MAD1L1: variants seen among roughly 807,000 people sequenced by gnomAD.
The protein encoded by MAD1L1 is mitotic arrest deficient 1 like 1, also known as mitotic spindle assembly checkpoint protein MAD1.
Under a neutral mutation model 96.9 loss-of-function variants are expected in MAD1L1, and 95 were observed. That is an observed-to-expected ratio of 0.98 (90% confidence interval 0.83 to 1.16). The LOEUF (loss-of-function observed/expected upper bound fraction) is 1.16. Among genes scored for constraint, MAD1L1 ranks in the 50% most tolerant of loss-of-function variants. The probability of loss-of-function intolerance (pLI) is 0.00; values close to 1 mark genes in which losing one functional copy is unlikely to be tolerated. For synonymous variants in MAD1L1, 473 were observed against 396.6 expected (o/e 1.19, Z -2.29); for missense variants, 1,007 against 954.4 (o/e 1.06, Z -0.73).
At chr7:2,206,947 G>A (rs1426310227) in intron 10 of MAD1L1, among the ~76,000 whole-genome samples, 1 of 152,098 alleles carries the variant, frequency 6.6e-6, no homozygotes, top group African/African-American at 2.4e-5. Context: ...CAAGCATGGT[G>A]GTCCATGCCT....
At chr7:2,152,020 C>CGGGTGT (rs71550330) in intron 10 of MAD1L1, among the ~76,000 whole-genome samples, 2 of 87,266 alleles carry the variant, frequency 2.3e-5, no homozygotes, top group African/African-American at 5.3e-5. Flanking sequence ...AGGCTGCTTC[C>CGGGTGT]GGGTGGCTCC....
chr7:2,131,143 G>A (rs939401081), intron 11 of MAD1L1, among the ~76,000 whole-genome samples: 5 of 152,312 alleles, frequency 3.3e-5, no homozygotes, highest in African/African-American at 1.2e-4. Flanking sequence ...TCCTTCAAGA[G>A]ATGGATGAGC....
Position 2,120,661 on chromosome 7 carries a change from A to G in MAD1L1, c.1073+28491T>C, listed in dbSNP as rs543449559. On this transcript the variant is annotated intron_variant, in intron 11 of 18. Coordinates refer to ENST00000265854, the MANE Select transcript of MAD1L1 (RefSeq NM_001013836.2). ...TGTTGCTCTGTTTCCCCAACAACAC[A>G]AAACCAAGGCGTTTCAGAAACATAA... Among the ~76,000 whole-genome samples, 331 of 152,354 alleles carry G rather than the reference A, an allele frequency of 2.2e-3. 2 individuals carry two copies. The highest frequency in any genetic ancestry group is 5.3e-4 in the Non-Finnish European group (36 of 68,034).
At chr7:2,143,138 C>G (rs1395883741) in intron 11 of MAD1L1, among the ~76,000 whole-genome samples, 1 of 152,060 alleles carries the variant, frequency 6.6e-6, no homozygotes, top group African/African-American at 2.4e-5. Flanking sequence ...CGTCCACAGG[C>G]TCCATAGAGG....
intron 18 of MAD1L1, among the ~76,000 whole-genome samples, chr7:1,885,724 T>G (rs1785972278): frequency 6.6e-6 from 1 of 152,132 alleles, no homozygotes; most frequent in African/African-American, 2.4e-5. Context: ...TGCTGCCCCG[T>G]GGAGCAGAGG....
chr7:1,857,944 G>T (rs1583573686), intron 18 of MAD1L1, among the ~76,000 whole-genome samples: 1 of 152,156 alleles, frequency 6.6e-6, no homozygotes, highest in Non-Finnish European at 1.5e-5. Context: ...CCTTCCTCCC[G>T]TCCCCAGGGC....
At chr7:1,983,707 C>T (rs1781028577) in intron 14 of MAD1L1, among the ~76,000 whole-genome samples, 1 of 152,226 alleles carries the variant, frequency 6.6e-6, no homozygotes. Context: ...ATCCACCGTC[C>T]AGATCAGGAC....
intron 12 of MAD1L1, among the ~76,000 whole-genome samples, chr7:2,033,924 C>G (rs1170397039): frequency 2.0e-5 from 3 of 152,168 alleles, no homozygotes; most frequent in Non-Finnish European, 2.9e-5. Flanking sequence ...GACCCCATCT[C>G]TACAAAAAAA....
At chr7:2,186,423 A>C (rs976208358) in intron 10 of MAD1L1, among the ~76,000 whole-genome samples, 5 of 152,248 alleles carry the variant, frequency 3.3e-5, no homozygotes, top group Admixed American at 3.3e-4. Flanking sequence ...AAATAATATA[A>C]CAATACAGGC....
At chr7:1,945,023 G>A (rs1382661160) in intron 16 of MAD1L1, among the ~76,000 whole-genome samples, 3 of 152,180 alleles carry the variant, frequency 2.0e-5, no homozygotes, top group Admixed American at 6.5e-5. Context: ...CCTCACCTGG[G>A]CCGTCGGCCA....
intron 13 of MAD1L1, among the ~76,000 whole-genome samples, chr7:2,013,387 A>G (rs1221233066): frequency 1.3e-5 from 2 of 152,268 alleles, no homozygotes; most frequent in Non-Finnish European, 2.9e-5. Flanking sequence ...AAGAGCTCAC[A>G]GAGCTCGGCT....
At chr7:1,898,080 C>A (rs1197980185) in intron 18 of MAD1L1, 120 bp downstream of exon 18, 2 of 1,073,778 alleles carry the variant, frequency 1.9e-6, no homozygotes, top group South Asian at 2.9e-5. Context: ...TCCCGCCCAG[C>A]CCTCCACACC....
Position 2,149,219 on chromosome 7 carries a change from T to TA in MAD1L1, c.1005_1006insT (p.Arg336Ter). ...CTCTGCTGCAGCTCAACCACGAATCTGGAAAGGTCTTCTGGAGTCCTGCAG... is the reference window on the plus strand; with the variant it reads ...CTCTGCTGCAGCTCAACCACGAATCTAGGAAAGGTCTTCTGGAGTCCTGCAG... On this transcript the variant is annotated frameshift_variant, in exon 11 of 19. Transcript: ENST00000265854. LOFTEE classifies it high-confidence loss of function. 1 of 1,613,990 alleles carries TA rather than the reference T, an allele frequency of 6.2e-7. No individual in the cohort carries two copies. Among genetic ancestry groups the TA allele is most frequent in the Non-Finnish European group, 8.5e-7 (1 of 1,179,972 alleles).
At chr7:1,918,526 A>G (rs1788566318) in intron 17 of MAD1L1, among the ~76,000 whole-genome samples, 1 of 152,312 alleles carries the variant, frequency 6.6e-6, no homozygotes, top group East Asian at 1.9e-4. Context: ...CAGTCCAGGG[A>G]GGATCTGTTT....
intron 11 of MAD1L1, among the ~76,000 whole-genome samples, chr7:2,113,660 C>A (rs958586919): frequency 6.6e-6 from 1 of 152,206 alleles, no homozygotes; most frequent in African/African-American, 2.4e-5. Flanking sequence ...AGAACAAAAG[C>A]CGCAGCCATG....
intron 10 of MAD1L1, among the ~76,000 whole-genome samples, chr7:2,169,924 C>G (rs1311488841): frequency 7.4e-6 from 1 of 135,354 alleles, no homozygotes; most frequent in Non-Finnish European, 1.7e-5. Context: ...CCACCGGGGG[C>G]ACTTGGAGCA....
intron 15 of MAD1L1, among the ~76,000 whole-genome samples, chr7:1,972,755 A>G (rs1780461813): frequency 1.3e-5 from 2 of 152,080 alleles, no homozygotes; most frequent in South Asian, 4.2e-4. Context: ...AGATAGGAAC[A>G]TAAATTAAGA....
intron 15 of MAD1L1, among the ~76,000 whole-genome samples, chr7:1,978,702 G>A (rs1780757275): frequency 6.6e-6 from 1 of 152,070 alleles, no homozygotes; most frequent in South Asian, 2.1e-4. Flanking sequence ...ACTGTCACAG[G>A]ACCACGTGCA....
At chr7:1,851,004 C>T (rs1456951557) in intron 18 of MAD1L1, among the ~76,000 whole-genome samples, 2 of 152,202 alleles carry the variant, frequency 1.3e-5, no homozygotes, top group African/African-American at 2.4e-5. Flanking sequence ...AATGTGTTGC[C>T]CTAAGCTTCT....
Sources: gnomAD v4.1 joint callset for allele counts (sites outside exome capture counted in the v4.1 genomes callset) on GRCh38, gnomAD v4.1.1 for gene constraint, MANE v1.5 for transcripts, NCBI Gene and HGNC (gene_info 2026-07-23, HGNC 2026-07-21) for gene names.